OSBPL6: variants seen among roughly 807,000 people sequenced by gnomAD.
The protein encoded by OSBPL6 is oxysterol binding protein like 6, also known as oxysterol-binding protein-related protein 6.
Under a neutral mutation model 125.8 loss-of-function variants are expected in OSBPL6, and 49 were observed. The ratio of observed to expected loss-of-function variants is 0.39; its 90% confidence interval spans 0.31 to 0.49. OSBPL6 has a LOEUF of 0.49. OSBPL6 is among the 20% of genes least tolerant of loss of function. The pLI is 0.88. For synonymous variants in OSBPL6, 394 were observed against 391.8 expected (o/e 1.01, Z -0.07); for missense variants, 986 against 1,135.4 (o/e 0.87, Z 1.89).
intron 11 of OSBPL6, among the ~76,000 whole-genome samples, chr2:178,348,216 A>G (rs1183795326): frequency 6.6e-6 from 1 of 152,226 alleles, no homozygotes. Context: ...CTCCCACAGC[A>G]CATTCCCTGT....
intron 15 of OSBPL6, among the ~76,000 whole-genome samples, chr2:178,380,456 CAAAAAAA>C (rs60399092): frequency 0.1 from 2,567 of 25,588 alleles, 38 homozygotes; most frequent in East Asian, 0.28. Context: ...GAGTCTGTCT[CAAAAAAA>C]AAAAAAAAAA....
In OSBPL6 at chr2:178,395,771, TTAA is replaced by T. The variant is rs1395078748; in HGVS notation, c.*213_*215del. 1.2e-4 allele frequency: 36 copies of T among 291,068 alleles called. No individual in the cohort carries two copies. The African/African-American group carries it at 1.4e-3, about 11-fold the overall frequency. 18.0% of individuals were successfully genotyped at this position (291,068 alleles called of 1,614,324 possible). ...TTCTGTTTTGCTGCAACCATATTCCTTAAAAAAAAAAAAAAAAAAAAAAAAAAA... is the reference window on the plus strand; with the variant it reads ...TTCTGTTTTGCTGCAACCATATTCCTAAAAAAAAAAAAAAAAAAAAAAAAA... On this transcript the variant is annotated 3_prime_UTR_variant, in exon 25 of 25. Coordinates refer to ENST00000190611, the MANE Select transcript of OSBPL6 (RefSeq NM_032523.4).
chr2:178,276,467 G>A (rs745677873), intron 1 of OSBPL6, among the ~76,000 whole-genome samples: 2 of 151,132 alleles, frequency 1.3e-5, no homozygotes, highest in Admixed American at 6.6e-5. Context: ...CTGCCTGCCG[G>A]GTTCAAGTGA....
rs1239749168 is a variant in OSBPL6 at position 178,295,310 on chromosome 2, T to G, written c.-156+10189T>G. On this transcript the variant is annotated intron_variant, in intron 2 of 24. Coordinates refer to ENST00000190611, the MANE Select transcript of OSBPL6 (RefSeq NM_032523.4). ...ACTTGCCAACACCTGGTTCTAAGAATGCATCTTGTTATTTCATAGTCTAGC... is the reference window on the plus strand; with the variant it reads ...ACTTGCCAACACCTGGTTCTAAGAAGGCATCTTGTTATTTCATAGTCTAGC... 2.0e-5 allele frequency among the ~76,000 whole-genome samples: 3 copies of G among 152,220 alleles called. No individual in the cohort carries two copies. The East Asian group carries it at 5.8e-4, about 29-fold the overall frequency.
In OSBPL6 at chr2:178,383,165, T is replaced by C. The variant is rs755940499; in HGVS notation, c.1763T>C (p.Met588Thr). ...GGTAAAGACCTGTCTAAAGTCTCTA[T>C]GCCTGTGGAGCTAAACGAGCCGCTC... ...NIGKDLSKVS[M>T]PVELNEPLNT... The change falls in exon 17 of 25, where the codon ATG becomes ACG. Residue 588 changes from methionine (M) to threonine (T), a missense_variant. Physicochemically the swap from Met to Thr is moderately conservative, Grantham distance 81 (BLOSUM62 -1). Coordinates refer to ENST00000190611, the MANE Select transcript of OSBPL6 (RefSeq NM_032523.4). 1.2e-6 allele frequency: 2 copies of C among 1,614,182 alleles called. No homozygotes were observed. The highest frequency in any genetic ancestry group is 2.2e-5 in the East Asian group (1 of 44,870).
intron 15 of OSBPL6, 83 bp downstream of exon 15, chr2:178,374,110 G>T: frequency 6.8e-7 from 1 of 1,475,076 alleles, no homozygotes; most frequent in Non-Finnish European, 9.2e-7. Context: ...GGAACTTTTT[G>T]GTGATTACTT....
rs1380827822 is a variant in OSBPL6 at position 178,382,517 on chromosome 2, A to C, written c.1621+10A>C. The C allele has an allele frequency of 1.2e-6, 2 of 1,614,092 alleles. No homozygotes were observed. The highest frequency in any genetic ancestry group is 1.7e-5 in the Admixed American group (1 of 60,006). ...AATATTTCTCGGCAAAGTATGCATC[A>C]TTTGAGCTTCCAGGTTGTTCTATCT... is the stretch of plus-strand genomic sequence containing the variant. On this transcript the variant is annotated intron_variant, in intron 16 of 24. Coordinates refer to ENST00000190611, the MANE Select transcript of OSBPL6 (RefSeq NM_032523.4).
intron 1 of OSBPL6, among the ~76,000 whole-genome samples, chr2:178,260,408 T>C (rs1405841198): frequency 6.6e-6 from 1 of 152,212 alleles, no homozygotes; most frequent in Non-Finnish European, 1.5e-5. Context: ...TGTATATGTA[T>C]ATGTGTATGT....
At chr2:178,335,180 C>T (rs1553559951) in intron 8 of OSBPL6, among the ~76,000 whole-genome samples, 1 of 151,808 alleles carries the variant, frequency 6.6e-6, no homozygotes, top group Non-Finnish European at 1.5e-5. Context: ...AATATTTTAT[C>T]TCTTATTTAT....
At chr2:178,237,651 T>C (rs1230670721) in intron 1 of OSBPL6, among the ~76,000 whole-genome samples, 1 of 152,210 alleles carries the variant, frequency 6.6e-6, no homozygotes, top group African/African-American at 2.4e-5. Context: ...TAATTCTTTG[T>C]TGTAGGGCAC....
intron 1 of OSBPL6, among the ~76,000 whole-genome samples, chr2:178,228,001 AT>A (rs2090634581): frequency 6.6e-6 from 1 of 151,826 alleles, no homozygotes; most frequent in South Asian, 2.2e-4. Flanking sequence ...GTTTAATTTA[AT>A]TATGTGCAAT....
chr2:178,249,675 G>T (rs2091618750), intron 1 of OSBPL6, among the ~76,000 whole-genome samples: 1 of 152,092 alleles, frequency 6.6e-6, no homozygotes, highest in African/African-American at 2.4e-5. Context: ...GATGCACTCA[G>T]TATTTCTCCT....
At chr2:178,344,855 T>C (rs941740971) in intron 11 of OSBPL6, among the ~76,000 whole-genome samples, 4 of 152,160 alleles carry the variant, frequency 2.6e-5, no homozygotes, top group Non-Finnish European at 5.9e-5. Flanking sequence ...CATCTCTAAA[T>C]GGCTACCCAA....
chr2:178,325,902 A>G (rs1364420262), intron 4 of OSBPL6, among the ~76,000 whole-genome samples: 2 of 152,096 alleles, frequency 1.3e-5, no homozygotes, highest in Non-Finnish European at 2.9e-5. Context: ...AACAGCATCT[A>G]CTTCCCATTA....
chr2:178,333,801 T>A (rs1207008709), intron 8 of OSBPL6, among the ~76,000 whole-genome samples: 1 of 152,190 alleles, frequency 6.6e-6, no homozygotes, highest in Non-Finnish European at 1.5e-5. Context: ...ACATGTGAGC[T>A]CAAGAATGTG....
chr2:178,366,387 G>T (rs532365463), intron 13 of OSBPL6, among the ~76,000 whole-genome samples: 1 of 152,124 alleles, frequency 6.6e-6, no homozygotes, highest in Non-Finnish European at 1.5e-5. Context: ...TGTGTTAAAC[G>T]CAGTGAGAGT....
intron 12 of OSBPL6, among the ~76,000 whole-genome samples, chr2:178,359,611 A>T (rs1466634282): frequency 6.6e-6 from 1 of 152,238 alleles, no homozygotes; most frequent in African/African-American, 2.4e-5. Flanking sequence ...TCACATGTTC[A>T]TTGCAGCATT....
intron 1 of OSBPL6, among the ~76,000 whole-genome samples, chr2:178,235,956 A>C (rs560354707): frequency 6.6e-6 from 1 of 152,340 alleles, no homozygotes; most frequent in Admixed American, 6.5e-5. Context: ...TTTTTACGTT[A>C]GATTCAGGAG....
intron 2 of OSBPL6, among the ~76,000 whole-genome samples, chr2:178,295,994 T>A (rs1685715854): frequency 6.6e-6 from 1 of 152,126 alleles, no homozygotes; most frequent in Admixed American, 6.6e-5. Context: ...ATTCCTTTAT[T>A]TTTGGGGCTT....
Sources: gnomAD v4.1 joint callset for allele counts (sites outside exome capture counted in the v4.1 genomes callset) on GRCh38, gnomAD v4.1.1 for gene constraint, MANE v1.5 for transcripts, NCBI Gene and HGNC (gene_info 2026-07-23, HGNC 2026-07-21) for gene names.